The following COL4A3 variants were observed in gnomAD, a reference collection of about 807,000 sequenced individuals.
COL4A3 encodes the protein collagen alpha-3(IV) chain.
A neutral mutation model predicts 217.4 loss-of-function variants in COL4A3; 135 were observed. The observed-to-expected ratio is 0.62, with a 90% CI of 0.54 to 0.72. The LOEUF (loss-of-function observed/expected upper bound fraction) is 0.72, where lower values mean the gene tolerates loss of function less well. Ranked by LOEUF, COL4A3 falls within the 30% of genes least tolerant of loss-of-function variation. COL4A3 has a pLI of 0.00. For synonymous variants in COL4A3, 690 were observed against 736.3 expected (o/e 0.94, Z 1.02); for missense variants, 1,868 against 2,119.9 (o/e 0.88, Z 2.33).
intron 34 of COL4A3, among the ~76,000 whole-genome samples, chr2:227,288,585 A>T (rs2072483104): frequency 6.6e-6 from 1 of 152,232 alleles, no homozygotes; most frequent in East Asian, 1.9e-4. Context: ...TATAATTTTA[A>T]TACATGGATT....
chr2:227,303,482 A>G (rs2073377081), intron 44 of COL4A3, among the ~76,000 whole-genome samples: 6 of 152,218 alleles, frequency 3.9e-5, no homozygotes, highest in Admixed American at 3.9e-4. Context: ...AACTATGACA[A>G]CCAAGCAATA....
intron 20 of COL4A3, 148 bp downstream of exon 20, chr2:227,261,265 C>T: frequency 1.4e-6 from 1 of 715,236 alleles, no homozygotes; most frequent in Non-Finnish European, 2.3e-6. Flanking sequence ...TGGCTCACGC[C>T]TGTAATCCCA....
At chr2:227,275,572 A>G (rs1374648893) in intron 26 of COL4A3, among the ~76,000 whole-genome samples, 1 of 152,070 alleles carries the variant, frequency 6.6e-6, no homozygotes, top group African/African-American at 2.4e-5. Flanking sequence ...CATACTGTAA[A>G]CCTATTTTTT....
intron 1 of COL4A3, among the ~76,000 whole-genome samples, chr2:227,210,979 T>C (rs1293094204): frequency 6.6e-6 from 1 of 152,042 alleles, no homozygotes; most frequent in African/African-American, 2.4e-5. Flanking sequence ...GTTATAAAGC[T>C]GTAGTTTTTT....
intron 1 of COL4A3, among the ~76,000 whole-genome samples, chr2:227,210,097 G>T (rs1225337517): frequency 6.6e-6 from 1 of 152,178 alleles, no homozygotes; most frequent in Non-Finnish European, 1.5e-5. Flanking sequence ...TGTAGTAAAA[G>T]CTATCTGTGT....
Position 227,307,864 on chromosome 2 carries a change from TG to T in COL4A3, c.4410del (p.Ser1472LeufsTer57), listed in dbSNP as rs1559922416. 1.2e-6 allele frequency: 2 copies of T among 1,613,990 alleles called. No homozygotes were observed. The highest frequency in any genetic ancestry group is 1.7e-5 in the Admixed American group (1 of 60,004). On this transcript the variant is annotated frameshift_variant, in exon 48 of 52. Transcript: ENST00000396578. LOFTEE classifies it high-confidence loss of function. Reference sequence around the variant, plus strand: ...CAGAGGGGACAGTGCCACTCTACAGTGGGTTTTCTTTTCTTTTTGTACAAGG... The same window carrying T: ...CAGAGGGGACAGTGCCACTCTACAGTGGTTTTCTTTTCTTTTTGTACAAGG... ...CPEGTVPLYSGFSFLFVQGNQ... is the reference protein window; with the variant it reads ...CPEGTVPLYSXFSFLFVQGNQ...
At position 227,282,702 on chromosome 2, in the gene COL4A3, C is replaced by T. The variant is rs776632605; in HGVS notation, c.2656+170C>T. On this transcript the variant is annotated intron_variant, in intron 32 of 51. Coordinates refer to ENST00000396578, the MANE Select transcript of COL4A3 (RefSeq NM_000091.5). The surrounding 1 kb of genome is among the most constrained non-coding windows in gnomAD (Gnocchi z 4.4). ...GGGCCATGGTGCAGGGAAACGGTGG[C>T]GGCAGGATGAACAATTACCCAGAAT... Among the ~76,000 whole-genome samples the T allele has an allele frequency of 1.6e-4, 25 of 152,130 alleles. No individual in the cohort carries two copies. Among genetic ancestry groups the T allele is most frequent in the Non-Finnish European group, 2.2e-4 (15 of 68,034 alleles).
Position 227,293,226 on chromosome 2 carries a change from A to G in COL4A3, c.3246A>G (p.Lys1082=). The change falls in exon 38 of 52, where the codon AAA becomes AAG. Residue 1082 remains lysine (K), a synonymous_variant. Coordinates refer to ENST00000396578, the MANE Select transcript of COL4A3 (RefSeq NM_000091.5). ...GACTGCCGGGTGATATGGGAAAGAA[A>G]GGAGAAATGGGGCAACCTGGCCCAC... The part of the protein sequence containing the change: ...DPGLPGDMGK[K]GEMGQPGPPG... 1 of 1,614,016 alleles carries G rather than the reference A, an allele frequency of 6.2e-7. No individual in the cohort carries two copies. Among genetic ancestry groups the G allele is most frequent in the Non-Finnish European group, 8.5e-7 (1 of 1,180,024 alleles).
rs776005423 is a variant in COL4A3, at chr2:227,307,821, C to A, written c.4364C>A (p.Thr1455Lys). The A allele has an allele frequency of 6.2e-7, 1 of 1,614,162 alleles. No individual in the cohort carries two copies. Among genetic ancestry groups the A allele is most frequent in the East Asian group, 2.2e-5 (1 of 44,888 alleles). Residue 1455 changes from threonine (T) to lysine (K), a missense_variant, in exon 48 of 52, where the codon ACA becomes AAA. By Grantham distance (78) the Thr-to-Lys change is moderately conservative. Around this residue, in one of 2 missense-constraint regions of COL4A3, gnomAD observed 1,503 missense variants for 1,786.1 expected, o/e 0.84. Coordinates refer to ENST00000396578, the MANE Select transcript of COL4A3 (RefSeq NM_000091.5). ...GFVFTRHSQT[T>K]AIPSCPEGTV... ...GTCTTCACCCGACACAGTCAAACCA[C>A]AGCAATTCCTTCATGTCCAGAGGGG...
chr2:227,172,728 A>G (rs2065535400), intron 1 of COL4A3, among the ~76,000 whole-genome samples: 1 of 151,504 alleles, frequency 6.6e-6, no homozygotes, highest in Non-Finnish European at 1.5e-5. Flanking sequence ...CTGGGACTTC[A>G]GGCATAGGCC....
intron 1 of COL4A3, among the ~76,000 whole-genome samples, chr2:227,235,416 C>A (rs1192166721): frequency 1.3e-5 from 2 of 152,076 alleles, no homozygotes; most frequent in Admixed American, 1.3e-4. Flanking sequence ...TTTGAGGAGA[C>A]TATAGAATTT....
Position 227,253,701 on chromosome 2 carries a change from C to A in COL4A3, c.765+63C>A. ...CGTGTCTAGGATGAAGTCCTTGTGACCCTGCACCTCTTTTACAAGCTCTTG... is the reference window on the plus strand; with the variant it reads ...CGTGTCTAGGATGAAGTCCTTGTGAACCTGCACCTCTTTTACAAGCTCTTG... On this transcript the variant is annotated intron_variant, in intron 13 of 51. Coordinates refer to ENST00000396578, the MANE Select transcript of COL4A3 (RefSeq NM_000091.5). The surrounding 1 kb of genome is among the most constrained non-coding windows in gnomAD (Gnocchi z 4.4). 1 of 1,330,312 alleles carries A rather than the reference C, an allele frequency of 7.5e-7. No homozygotes were observed. The highest frequency in any genetic ancestry group is 1.1e-6 in the Non-Finnish European group (1 of 921,182). 82.4% of individuals were successfully genotyped at this position (1,330,312 alleles called of 1,614,324 possible). A position where few individuals can be genotyped will look rare whatever the true frequency, so the allele number is the denominator to read the frequency against.
intron 1 of COL4A3, among the ~76,000 whole-genome samples, chr2:227,214,685 T>C (rs79595410): frequency 1.3e-5 from 2 of 152,352 alleles, no homozygotes; most frequent in East Asian, 3.9e-4. Context: ...TTGTGAATTA[T>C]AGGCACTAGC....
chr2:227,174,115 G>C (rs967540070), intron 1 of COL4A3, among the ~76,000 whole-genome samples: 1 of 152,184 alleles, frequency 6.6e-6, no homozygotes, highest in African/African-American at 2.4e-5. Flanking sequence ...TTTACCTCCA[G>C]AAAATTAAGA....
At chr2:227,211,649 T>TTTTTTTTATTTATTTATTTATTTA (rs1553741928) in intron 1 of COL4A3, among the ~76,000 whole-genome samples, 12 of 150,086 alleles carry the variant, frequency 8.0e-5, no homozygotes, top group African/African-American at 2.7e-4. Context: ...TCAGACTTGA[T>TTTTTTTTATTTATTTATTTATTTA]TTTATTTATT....
chr2:227,215,040 G>T (rs1198481054), intron 1 of COL4A3, among the ~76,000 whole-genome samples: 1 of 152,186 alleles, frequency 6.6e-6, no homozygotes, highest in Non-Finnish European at 1.5e-5. Flanking sequence ...GGCTTAGAAT[G>T]TGGGATTAAA....
Position 227,289,187 on chromosome 2 carries a change from C to T in COL4A3, c.2919C>T (p.Gly973=), listed in dbSNP as rs758181560. The T allele has an allele frequency of 5.1e-5, 83 of 1,613,812 alleles. 1 individual carries two copies. In the Middle Eastern group the frequency reaches 8.2e-4, roughly 16 times the overall value. ...ATCCAGGTGAGAAAGGAAACAGAGG[C>T]GTTCCAGGGATGCCAGGTTTAAAGG... ...AGNPGEKGNR[G]VPGMPGLKGL... The change falls in exon 35 of 52, where the codon GGC becomes GGT. Residue 973 remains glycine, a synonymous_variant. Coordinates refer to ENST00000396578, the MANE Select transcript of COL4A3 (RefSeq NM_000091.5).
rs915171770 is a variant in COL4A3 at position 227,293,278 on chromosome 2, G to A, written c.3298G>A (p.Glu1100Lys). 1.2e-6 allele frequency: 2 copies of A among 1,613,708 alleles called. No individual in the cohort carries two copies. The highest frequency in any genetic ancestry group is 2.2e-5 in the East Asian group (1 of 44,892). Reference sequence around the variant, plus strand: ...TGGACATTTGGGGCCTGCTGGACCTGAGGGAGCCCCTGGAAGTCCTGGAAG... The same window carrying A: ...TGGACATTTGGGGCCTGCTGGACCTAAGGGAGCCCCTGGAAGTCCTGGAAG... ...PPGHLGPAGP[E>K]GAPGSPGSPG... Residue 1100 changes from glutamate (E) to lysine (K), a missense_variant, in exon 38 of 52, where the codon GAG (glutamate) becomes AAG (lysine). Glu to Lys is a moderately conservative substitution (Grantham distance 56). This residue lies in a region of COL4A3 where 1,503 missense variants were observed against 1,786.1 expected (regional missense o/e 0.84). Transcript: ENST00000396578.
rs1559896717 is a variant in COL4A3 at position 227,282,275 on chromosome 2, A to ATATATATATACATATATATATATATAT, written c.2489-90_2489-89insTATATATATACATATATATATATATAT. ...AGACAGAGGGAGATTCCATCTTAAA[A>ATATATATATACATATATATATATATAT]ATATATATATATATATATATATATA... is the stretch of plus-strand genomic sequence containing the variant. On this transcript the variant is annotated intron_variant, in intron 31 of 51. Transcript: ENST00000396578. This position sits in a 1 kb window ranked among gnomAD's most constrained non-coding sequence, Gnocchi z 4.4. 3.0e-5 allele frequency: 10 copies of ATATATATATACATATATATATATATAT among 334,844 alleles called. No individual in the cohort carries two copies. The highest frequency in any genetic ancestry group is 2.0e-4 in the African/African-American group (8 of 39,826). The allele number at this position is 334,844 out of a possible 1,614,324, so 20.7% of individuals were successfully genotyped here.
Sources: gnomAD v4.1 joint callset for allele counts (sites outside exome capture counted in the v4.1 genomes callset) on GRCh38, gnomAD v4.1.1 for gene constraint, gnomAD v4.1.1 regional missense constraint, Gnocchi (gnomAD v3.1) non-coding constraint, MANE v1.5 for transcripts, NCBI Gene and HGNC (gene_info 2026-07-23, HGNC 2026-07-21) for gene names.